The following SLC25A26 variants were observed in gnomAD, a reference collection of about 807,000 sequenced individuals.
SLC25A26 encodes the protein solute carrier family 25 member 26.
A neutral mutation model predicts 37.8 loss-of-function variants in SLC25A26; 36 were observed. That is an observed-to-expected ratio of 0.95 (90% CI 0.73 to 1.26). SLC25A26 has a LOEUF of 1.26. Among genes scored for constraint, SLC25A26 ranks in the 50% most tolerant of loss-of-function variants. The pLI, the probability that SLC25A26 is intolerant of heterozygous loss-of-function variation, is 0.00. For missense variants in SLC25A26, 390 were observed against 331.1 expected, an observed-to-expected ratio of 1.18 and a Z score of -1.38; for synonymous variants, 129 against 122.5, an observed-to-expected ratio of 1.05 and a Z score of -0.35.
At chr3:66,309,821 C>G (rs758949979) in intron 5 of SLC25A26, among the ~76,000 whole-genome samples, 1 of 152,128 alleles carries the variant, frequency 6.6e-6, no homozygotes, top group Non-Finnish European at 1.5e-5. Context: ...GAGTGAATTT[C>G]TTAATCCTGA....
At chr3:66,207,560 T>C (rs2071197103) in intron 1 of SLC25A26, among the ~76,000 whole-genome samples, 1 of 152,122 alleles carries the variant, frequency 6.6e-6, no homozygotes, top group South Asian at 2.1e-4. Flanking sequence ...TGAAAAAGAA[T>C]ACAATGCTTA....
In SLC25A26 at chr3:66,236,667, G is replaced by C; in HGVS notation, c.157G>C (p.Val53Leu). The change falls in exon 2 of 10, where the codon GTT (valine) becomes CTT (leucine). Residue 53 changes from valine (V) to leucine (L), a missense_variant. By Grantham distance (32) the Val-to-Leu change is conservative. Transcript: ENST00000354883. ...AGGFHGIYAG[V>L]PSAAIGSFPN... Reference sequence around the variant, plus strand: ...TGGTTTTCATGGAATATATGCTGGCGTTCCTTCTGCTGCTATTGGATCCTT... The same window carrying C: ...TGGTTTTCATGGAATATATGCTGGCCTTCCTTCTGCTGCTATTGGATCCTT... 6.6e-7 allele frequency: 1 copy of C among 1,525,464 alleles called. No homozygotes were observed. Among genetic ancestry groups the C allele is most frequent in the African/African-American group, 1.4e-5 (1 of 72,884 alleles). 94.5% of individuals were successfully genotyped at this position (1,525,464 alleles called of 1,614,324 possible).
intron 1 of SLC25A26, among the ~76,000 whole-genome samples, chr3:66,141,114 G>A (rs560834600): frequency 6.6e-6 from 1 of 151,616 alleles, no homozygotes; most frequent in Non-Finnish European, 1.5e-5. Flanking sequence ...AAATGAGGTA[G>A]ACAGATTGTA....
intron 1 of SLC25A26, among the ~76,000 whole-genome samples, chr3:66,159,077 T>A (rs1308422067): frequency 6.6e-6 from 1 of 152,156 alleles, no homozygotes; most frequent in Non-Finnish European, 1.5e-5. Flanking sequence ...TACTAGGCAG[T>A]GGCTTCCAAG....
At chr3:66,353,372 T>A (rs932485143) in intron 6 of SLC25A26, among the ~76,000 whole-genome samples, 1 of 152,210 alleles carries the variant, frequency 6.6e-6, no homozygotes, top group African/African-American at 2.4e-5. Flanking sequence ...GGCCTGGTCT[T>A]TGTTCTGTAG....
At chr3:66,137,192 A>C (rs1404623471) in intron 1 of SLC25A26, among the ~76,000 whole-genome samples, 1 of 149,930 alleles carries the variant, frequency 6.7e-6, no homozygotes, top group Non-Finnish European at 1.5e-5. Context: ...CAAACACCAA[A>C]TCTACCTATG....
intron 3 of SLC25A26, among the ~76,000 whole-genome samples, chr3:66,259,019 C>G (rs994085796): frequency 2.5e-4 from 38 of 152,246 alleles, no homozygotes; most frequent in Admixed American, 9.2e-4. Flanking sequence ...GCTCTAGAAT[C>G]AGACCCCTGG....
intron 3 of SLC25A26, among the ~76,000 whole-genome samples, chr3:66,253,259 AAGTT>A (rs1426241367): frequency 1.3e-5 from 2 of 151,620 alleles, no homozygotes; most frequent in African/African-American, 4.9e-5. Context: ...AAGCAAAAAA[AAGTT>A]AGTCGGGCAT....
intron 1 of SLC25A26, among the ~76,000 whole-genome samples, chr3:66,182,373 T>A (rs2070727326): frequency 6.6e-6 from 1 of 152,154 alleles, no homozygotes; most frequent in African/African-American, 2.4e-5. Context: ...GTCCAGAACC[T>A]TTTTGACCTT....
rs184599814 is a variant in SLC25A26, at chr3:66,227,732, G to T, written c.33+6605G>T. Among the ~76,000 whole-genome samples the T allele has an allele frequency of 4.6e-5, 7 of 152,208 alleles. No individual in the cohort carries two copies. In the East Asian group the frequency reaches 1.4e-3, roughly 29 times the overall value. ...GTGCTGTCATCTGGGGAGCTTTTTC[G>T]TGATACTTGGGTGTCTTCTCACTGG... On this transcript the variant is annotated intron_variant, in intron 1 of 9. Coordinates refer to ENST00000354883, the MANE Select transcript of SLC25A26 (RefSeq NM_001379210.1).
At chr3:66,360,875 G>A (rs2076691089) in intron 6 of SLC25A26, among the ~76,000 whole-genome samples, 1 of 152,102 alleles carries the variant, frequency 6.6e-6, no homozygotes, top group African/African-American at 2.4e-5. Context: ...AGTCTTAGCA[G>A]GTTATTTCGT....
chr3:66,153,804 C>A (rs1372983236), intron 1 of SLC25A26, among the ~76,000 whole-genome samples: 1 of 152,206 alleles, frequency 6.6e-6, no homozygotes, highest in African/African-American at 2.4e-5. Context: ...AAAACCCCAG[C>A]TAGTTCACGA....
chr3:66,144,953 C>T (rs565227707), intron 1 of SLC25A26, among the ~76,000 whole-genome samples: 2 of 152,312 alleles, frequency 1.3e-5, no homozygotes, highest in East Asian at 1.9e-4. Context: ...CTGAGGAAGG[C>T]CACGCCAAAG....
At chr3:66,305,331 A>G (rs190447172) in intron 5 of SLC25A26, among the ~76,000 whole-genome samples, 53 of 152,324 alleles carry the variant, frequency 3.5e-4, no homozygotes, top group African/African-American at 1.2e-3. Context: ...TGTTTCTCTA[A>G]GAGTAACATT....
intron 1 of SLC25A26, among the ~76,000 whole-genome samples, chr3:66,142,267 A>G (rs2070046750): frequency 6.6e-6 from 1 of 152,140 alleles, no homozygotes; most frequent in Non-Finnish European, 1.5e-5. Flanking sequence ...TCTTTCACTT[A>G]GTGTAATGTT....
intron 1 of SLC25A26, among the ~76,000 whole-genome samples, chr3:66,207,937 T>C (rs966805780): frequency 6.6e-6 from 1 of 152,182 alleles, no homozygotes; most frequent in African/African-American, 2.4e-5. Flanking sequence ...TTCTTGTGGG[T>C]TAAATATCCA....
At chr3:66,175,460 G>A (rs2070571731) in intron 1 of SLC25A26, among the ~76,000 whole-genome samples, 1 of 152,036 alleles carries the variant, frequency 6.6e-6, no homozygotes, top group South Asian at 2.1e-4. Context: ...CCTGACCTCA[G>A]GTGATTCACC....
rs141715520 is a variant in SLC25A26, at chr3:66,157,354, C to T, written c.-354+23370C>T. ...CCTGTAATCCTAGCACTTTGGAAGG[C>T]CAGTGTGAGAGGATCACTTGAGCTC... On this transcript the variant is annotated intron_variant, in intron 1 of 10. Coordinates refer to the SLC25A26 transcript ENST00000676754. 2.1e-3 allele frequency among the ~76,000 whole-genome samples: 314 copies of T among 152,262 alleles called. 1 individual carries two copies. Among genetic ancestry groups the T allele is most frequent in the Middle Eastern group, 6.8e-3 (2 of 294 alleles).
chr3:66,186,574 C>A (rs1194233089), intron 1 of SLC25A26, among the ~76,000 whole-genome samples: 7 of 152,078 alleles, frequency 4.6e-5, no homozygotes, highest in Non-Finnish European at 8.8e-5. Flanking sequence ...TATCCTAAAC[C>A]TGACCATAAA....
Sources: gnomAD v4.1 joint callset for allele counts (sites outside exome capture counted in the v4.1 genomes callset) on GRCh38, gnomAD v4.1.1 for gene constraint, MANE v1.5 for transcripts, NCBI Gene and HGNC (gene_info 2026-07-23, HGNC 2026-07-21) for gene names.